CNTN1: variants seen among roughly 807,000 people sequenced by gnomAD.
CNTN1 encodes contactin-1.
Under a neutral mutation model 126.4 loss-of-function variants are expected in CNTN1, and 38 were observed. The ratio of observed to expected loss-of-function variants is 0.30; its 90% CI spans 0.23 to 0.39. CNTN1 has a LOEUF of 0.39. CNTN1 is among the 10% of genes least tolerant of loss of function. The pLI is 1.00. For synonymous variants in CNTN1, 413 were observed against 422.6 expected, an observed-to-expected ratio of 0.98 and a Z score of 0.28; for missense variants, 1,009 against 1,248.4, an observed-to-expected ratio of 0.81 and a Z score of 2.89.
intron 1 of CNTN1, among the ~76,000 whole-genome samples, chr12:40,825,164 A>T (rs1369765566): frequency 6.6e-6 from 1 of 152,172 alleles, no homozygotes; most frequent in African/African-American, 2.4e-5. Flanking sequence ...GAGAGTGTCT[A>T]TGATATTGGT....
At chr12:41,057,947 T>A (rs954452966) in intron 23 of CNTN1, among the ~76,000 whole-genome samples, 1 of 152,162 alleles carries the variant, frequency 6.6e-6, no homozygotes, top group East Asian at 1.9e-4. Flanking sequence ...AAAAAGCACT[T>A]TGCAAATGAC....
chr12:40,954,426 A>G (rs1946797685), intron 14 of CNTN1, among the ~76,000 whole-genome samples: 1 of 152,064 alleles, frequency 6.6e-6, no homozygotes, highest in Non-Finnish European at 1.5e-5. Flanking sequence ...TTTATGATAG[A>G]CCAAGAAAAA....
At chr12:40,990,126 G>C (rs906951356) in intron 16 of CNTN1, among the ~76,000 whole-genome samples, 4 of 151,932 alleles carry the variant, frequency 2.6e-5, no homozygotes, top group South Asian at 4.2e-4. Context: ...TTTATTGAGG[G>C]GATATTATAA....
At chr12:41,008,018 T>C (rs1172060069) in intron 17 of CNTN1, among the ~76,000 whole-genome samples, 1 of 152,062 alleles carries the variant, frequency 6.6e-6, no homozygotes, top group Non-Finnish European at 1.5e-5. Context: ...TCTATATCGT[T>C]CCCCCCTCTG....
In CNTN1 at chr12:41,025,277, G is replaced by A. The variant is rs2120820111; in HGVS notation, c.2651G>A (p.Cys884Tyr). The change falls in exon 21 of 24, where the codon TGC (cysteine) becomes TAC (tyrosine). Residue 884 changes from cysteine (C) to tyrosine (Y), a missense_variant. Cys to Tyr is a radical substitution (Grantham distance 194). Coordinates refer to ENST00000551295, the MANE Select transcript of CNTN1 (RefSeq NM_001843.4). ...DTQYFIEVGACNSAGCGPPSD... is the reference protein window; with the variant it reads ...DTQYFIEVGAYNSAGCGPPSD... Reference sequence around the variant, plus strand: ...CAGTATTTTATAGAAGTCGGGGCCTGCAATAGTGCAGGGTGTGGACCTCCA... The same window carrying A: ...CAGTATTTTATAGAAGTCGGGGCCTACAATAGTGCAGGGTGTGGACCTCCA... 1 of 1,613,902 alleles carries A rather than the reference G, an allele frequency of 6.2e-7. No homozygotes were observed. The highest frequency in any genetic ancestry group is 8.5e-7 in the Non-Finnish European group (1 of 1,179,826).
intron 1 of CNTN1, among the ~76,000 whole-genome samples, chr12:40,758,300 T>C (rs1173957869): frequency 6.6e-6 from 1 of 151,300 alleles, no homozygotes; most frequent in Non-Finnish European, 1.5e-5. Flanking sequence ...CAAAACAAAG[T>C]GTTTTTTTTT....
chr12:40,765,593 G>C (rs1374008453), intron 1 of CNTN1, among the ~76,000 whole-genome samples: 1 of 152,190 alleles, frequency 6.6e-6, no homozygotes, highest in Non-Finnish European at 1.5e-5. Context: ...TGTGTTTTAA[G>C]ATGGAGTTCA....
At chr12:40,888,293 C>T (rs1300166563) in intron 1 of CNTN1, among the ~76,000 whole-genome samples, 1 of 152,040 alleles carries the variant, frequency 6.6e-6, no homozygotes, top group Non-Finnish European at 1.5e-5. Flanking sequence ...TTCAAAATAA[C>T]TGTGATAGTG....
At chr12:40,986,767 C>T (rs777567948) in intron 16 of CNTN1, among the ~76,000 whole-genome samples, 11 of 152,134 alleles carry the variant, frequency 7.2e-5, no homozygotes, top group Non-Finnish European at 1.6e-4. Context: ...TCTTTTTTGG[C>T]TCTTTTGTTC....
intron 1 of CNTN1, among the ~76,000 whole-genome samples, chr12:40,830,791 GTATATATATATATATATATATA>G (rs10592423): frequency 6.1e-4 from 46 of 75,822 alleles, no homozygotes; most frequent in Non-Finnish European, 8.2e-4. Context: ...AAAGTATAGT[GTATATATATATATATATATATA>G]TATATATATA....
At chr12:40,922,768 C>G (rs1469278854) in intron 5 of CNTN1, among the ~76,000 whole-genome samples, 1 of 151,770 alleles carries the variant, frequency 6.6e-6, no homozygotes, top group Non-Finnish European at 1.5e-5. Context: ...GTCAGGAGAT[C>G]GAGACCATCC....
At chr12:41,004,698 C>CT (rs142338153) in intron 17 of CNTN1, among the ~76,000 whole-genome samples, 17,862 of 152,038 alleles carry the variant, frequency 0.12, 2,030 homozygotes, top group African/African-American at 0.3. Context: ...ATTCCCTTGA[C>CT]TTTTTTTATC....
intron 14 of CNTN1, among the ~76,000 whole-genome samples, chr12:40,949,674 A>C (rs1271792819): frequency 6.9e-6 from 1 of 144,152 alleles, no homozygotes; most frequent in African/African-American, 2.6e-5. Context: ...TCCCAGGTTC[A>C]AGTAATTCTC....
At chr12:40,918,843 G>A (rs1175075067) in intron 4 of CNTN1, 72 bp downstream of exon 4, 180 of 1,547,776 alleles carry the variant, frequency 1.2e-4, no homozygotes, top group Non-Finnish European at 1.5e-4. Context: ...CTATGAACTT[G>A]TACAGATGTA....
At chr12:40,930,681 A>G (rs1240752585) in intron 7 of CNTN1, among the ~76,000 whole-genome samples, 1 of 151,910 alleles carries the variant, frequency 6.6e-6, no homozygotes, top group Non-Finnish European at 1.5e-5. Context: ...ATATCAGCAA[A>G]TTCAAGCTCA....
chr12:40,928,063 A>G (rs1945756350), intron 6 of CNTN1, among the ~76,000 whole-genome samples: 1 of 152,100 alleles, frequency 6.6e-6, no homozygotes, highest in Non-Finnish European at 1.5e-5. Context: ...ATTACTCTAA[A>G]TGCATTTTGT....
In CNTN1 at chr12:41,016,779, A is replaced by G. The variant is rs1055044043; in HGVS notation, c.2282A>G (p.Asn761Ser). ...GAATGGAAAAAAGTCACAGTTACTAATCCTGATACTGGCCGATATGTCCAT... is the reference window on the plus strand; with the variant it reads ...GAATGGAAAAAAGTCACAGTTACTAGTCCTGATACTGGCCGATATGTCCAT... ...GEEWKKVTVTNPDTGRYVHKD... is the reference protein window; with the variant it reads ...GEEWKKVTVTSPDTGRYVHKD... Residue 761 changes from asparagine to serine, a missense_variant, in exon 19 of 24, where the codon AAT becomes AGT. Transcript: ENST00000551295. The G allele has an allele frequency of 6.2e-7, 1 of 1,614,126 alleles. No individual in the cohort carries two copies. The highest frequency in any genetic ancestry group is 8.5e-7 in the Non-Finnish European group (1 of 1,179,988).
At chr12:40,711,573 AC>A (rs1941914396) in intron 1 of CNTN1, among the ~76,000 whole-genome samples, 1 of 152,102 alleles carries the variant, frequency 6.6e-6, no homozygotes, top group African/African-American at 2.4e-5. Context: ...AAGAAATTAA[AC>A]AAACGAAAAC....
intron 1 of CNTN1, among the ~76,000 whole-genome samples, chr12:40,856,188 A>G (rs1240516204): frequency 6.6e-6 from 1 of 152,104 alleles, no homozygotes; most frequent in Non-Finnish European, 1.5e-5. Context: ...TCTTTTTCCA[A>G]GTACAACTTG....
Sources: gnomAD v4.1 joint callset for allele counts (sites outside exome capture counted in the v4.1 genomes callset) on GRCh38, gnomAD v4.1.1 for gene constraint, MANE v1.5 for transcripts, NCBI Gene and HGNC (gene_info 2026-07-23, HGNC 2026-07-21) for gene names.